Variants in LIPC observed in about 807,000 individuals in gnomAD.
LIPC encodes hepatic triacylglycerol lipase.
LIPC carries 44 observed loss-of-function variants against 50.7 expected under a neutral mutation model. The ratio of observed to expected loss-of-function variants is 0.87; its 90% CI spans 0.68 to 1.11. The LOEUF (loss-of-function observed/expected upper bound fraction) is 1.11, where lower values mean the gene tolerates loss of function less well. Ranked by LOEUF, LIPC falls within the 50% of genes most tolerant of loss-of-function variation. The pLI, the probability that LIPC is intolerant of heterozygous loss-of-function variation, is 0.00. For missense variants in LIPC, 697 were observed against 648.2 expected, an observed-to-expected ratio of 1.08 and a Z score of -0.82; for synonymous variants, 271 against 256.4, an observed-to-expected ratio of 1.06 and a Z score of -0.54.
At chr15:58,565,389 CACA>C in intron 8 of LIPC, 1 of 1,495,022 alleles carries the variant, frequency 6.7e-7, no homozygotes, top group Non-Finnish European at 8.9e-7. Context: ...GTGGCTAAAG[CACA>C]ACACTACCTT....
At chr15:58,505,965 G>C (rs1275059750) in intron 1 of LIPC, among the ~76,000 whole-genome samples, 1 of 152,200 alleles carries the variant, frequency 6.6e-6, no homozygotes, top group Non-Finnish European at 1.5e-5. Flanking sequence ...CCTTGTGCCA[G>C]AGCTCCTGGG....
chr15:58,462,196 G>A (rs1281236572), intron 1 of LIPC, among the ~76,000 whole-genome samples: 2 of 152,134 alleles, frequency 1.3e-5, no homozygotes, highest in Non-Finnish European at 2.9e-5. Flanking sequence ...TTCCCTATAG[G>A]ATCGTGAGTG....
intron 1 of LIPC, among the ~76,000 whole-genome samples, chr15:58,500,011 G>C (rs1247117185): frequency 6.6e-6 from 1 of 152,168 alleles, no homozygotes. Flanking sequence ...GGAGTAAGGA[G>C]AGTAAGGTAT....
chr15:58,556,626 C>T (rs1287867050), intron 6 of LIPC, among the ~76,000 whole-genome samples: 1 of 152,118 alleles, frequency 6.6e-6, no homozygotes, highest in Non-Finnish European at 1.5e-5. Flanking sequence ...AGTTTCGTAG[C>T]CTGTGTTTTT....
intron 1 of LIPC, among the ~76,000 whole-genome samples, chr15:58,443,240 T>C (rs551265987): frequency 6.6e-6 from 1 of 152,276 alleles, no homozygotes; most frequent in South Asian, 2.1e-4. Context: ...TAGGGGAGCC[T>C]GGGACATATT....
At chr15:58,554,773 A>G (rs1453658229) in intron 6 of LIPC, among the ~76,000 whole-genome samples, 1 of 152,188 alleles carries the variant, frequency 6.6e-6, no homozygotes, top group Non-Finnish European at 1.5e-5. Flanking sequence ...AGGAGGAACT[A>G]GTTCTCAGCA....
chr15:58,563,603 G>A lies in LIPC; in HGVS notation c.1268G>A (p.Ser423Asn). 6.2e-7 allele frequency: 1 copy of A among 1,614,196 alleles called. No homozygotes were observed. Among genetic ancestry groups the A allele is most frequent in the Non-Finnish European group, 8.5e-7 (1 of 1,180,012 alleles). The change falls in exon 8 of 9, where the codon AGT becomes AAT. Residue 423 changes from serine to asparagine, a missense_variant. Ser to Asn is a conservative substitution (Grantham distance 46, BLOSUM62 1). Transcript: ENST00000299022. The part of the protein sequence containing the change: ...LIMIKFKWEN[S>N]AVWANVWDTV... ...ATGATCAAGTTCAAGTGGGAAAACA[G>A]TGCAGTGTGGGCCAATGTCTGGGAC...
At chr15:58,471,443 C>G (rs1173495629) in intron 1 of LIPC, among the ~76,000 whole-genome samples, 2 of 152,014 alleles carry the variant, frequency 1.3e-5, no homozygotes, top group African/African-American at 4.8e-5. Context: ...CCATCACACC[C>G]AGCTGATAAG....
At chr15:58,501,664 T>C (rs1891989606) in intron 1 of LIPC, among the ~76,000 whole-genome samples, 1 of 152,178 alleles carries the variant, frequency 6.6e-6, no homozygotes, top group Admixed American at 6.5e-5. Flanking sequence ...GCCGTGAATA[T>C]ATTTACCAGT....
At chr15:58,506,473 G>A (rs1283282781) in intron 1 of LIPC, among the ~76,000 whole-genome samples, 1 of 152,144 alleles carries the variant, frequency 6.6e-6, no homozygotes, top group East Asian at 1.9e-4. Flanking sequence ...GGCAAAGCAG[G>A]TGCTGATGAG....
At chr15:58,464,536 A>G (rs1894468619) in intron 1 of LIPC, among the ~76,000 whole-genome samples, 1 of 152,264 alleles carries the variant, frequency 6.6e-6, no homozygotes, top group Admixed American at 6.5e-5. Flanking sequence ...TTTAGTTGCT[A>G]TTCATCACAG....
intron 5 of LIPC, among the ~76,000 whole-genome samples, chr15:58,548,111 G>C (rs1320880530): frequency 6.6e-6 from 1 of 152,076 alleles, no homozygotes; most frequent in Non-Finnish European, 1.5e-5. Context: ...CAGTGCCCGG[G>C]ATTTTGCCTG....
At chr15:58,464,362 G>A (rs1424212506) in intron 1 of LIPC, among the ~76,000 whole-genome samples, 3 of 152,136 alleles carry the variant, frequency 2.0e-5, no homozygotes. Flanking sequence ...CTATCTGCAT[G>A]GTTAATCCAA....
At chr15:58,561,580 A>T (rs1454628254) in intron 7 of LIPC, among the ~76,000 whole-genome samples, 4 of 152,212 alleles carry the variant, frequency 2.6e-5, no homozygotes, top group Non-Finnish European at 4.4e-5. Context: ...AGATCAGTGA[A>T]AAGATCTGGA....
At chr15:58,488,009 C>T (rs191849757) in intron 1 of LIPC, among the ~76,000 whole-genome samples, 12 of 152,358 alleles carry the variant, frequency 7.9e-5, no homozygotes, top group Non-Finnish European at 1.3e-4. Flanking sequence ...CGGTAGCTCA[C>T]ACCTGTAATC....
chr15:58,518,896 ACACT>A (rs1358107062), intron 1 of LIPC, among the ~76,000 whole-genome samples: 3 of 151,922 alleles, frequency 2.0e-5, no homozygotes, highest in Non-Finnish European at 4.4e-5. Flanking sequence ...AACATAATAG[ACACT>A]CACAACACTC....
chr15:58,553,668 G>T (rs1261955383), intron 6 of LIPC, among the ~76,000 whole-genome samples: 3 of 152,182 alleles, frequency 2.0e-5, no homozygotes, highest in Non-Finnish European at 4.4e-5. Context: ...ACTTAAATGG[G>T]ACTGTACTGT....
intron 1 of LIPC, among the ~76,000 whole-genome samples, chr15:58,433,899 A>T (rs549680308): frequency 6.6e-6 from 1 of 152,208 alleles, no homozygotes; most frequent in South Asian, 2.1e-4. Context: ...TCTTTCTGCA[A>T]TGAGTGAGCC....
rs189531056 is a variant in LIPC, at chr15:58,441,711, G to A, written c.88+9591G>A. On this transcript the variant is annotated intron_variant, in intron 1 of 8. Transcript: ENST00000299022. ...AAAAAGGAGTCCAATTCAATGATTC[G>A]GCATCATAATAATTTAATAGTTATC... 9.2e-5 allele frequency among the ~76,000 whole-genome samples: 14 copies of A among 152,138 alleles called. No individual in the cohort carries two copies. The East Asian group carries it at 2.7e-3, about 29-fold the overall frequency.
Sources: allele counts gnomAD v4.1 joint callset (sites outside exome capture counted in the v4.1 genomes callset), GRCh38; gene constraint gnomAD v4.1.1; transcripts MANE v1.5; gene names NCBI Gene and HGNC (gene_info 2026-07-23, HGNC 2026-07-21).